Variants in TSPAN18 observed in about 807,000 individuals in gnomAD.
TSPAN18 encodes tetraspanin 18.
TSPAN18 carries 14 observed loss-of-function variants against 27.3 expected under a neutral mutation model. The ratio of observed to expected loss-of-function variants is 0.51; its 90% CI spans 0.34 to 0.80. The LOEUF is 0.80. TSPAN18 is among the 30% of genes least tolerant of loss of function. The pLI, the probability that TSPAN18 is intolerant of heterozygous loss-of-function variation, is 0.01. For synonymous variants in TSPAN18, 143 were observed against 136.5 expected, an observed-to-expected ratio of 1.05 and a Z score of -0.33; for missense variants, 268 against 323.9, an observed-to-expected ratio of 0.83 and a Z score of 1.32.
In TSPAN18 at chr11:44,733,823, A is replaced by C. The variant is rs923820945; in HGVS notation, c.-240+6536A>C. 2.0e-5 allele frequency among the ~76,000 whole-genome samples: 3 copies of C among 152,024 alleles called. No homozygotes were observed. In the East Asian group the frequency reaches 5.8e-4, roughly 29 times the overall value. ...GTGCTGCTACCTGCAGCTCCCATCC[A>C]CCTGTGTACCCCCATGCTGGCCCAT... is the stretch of plus-strand genomic sequence containing the variant. On this transcript the variant is annotated intron_variant, in intron 1 of 9. Coordinates refer to ENST00000520358, the MANE Select transcript of TSPAN18 (RefSeq NM_130783.5).
chr11:44,845,150 C>T (rs1429667623), intron 2 of TSPAN18, among the ~76,000 whole-genome samples: 1 of 152,222 alleles, frequency 6.6e-6, no homozygotes, highest in Non-Finnish European at 1.5e-5. Flanking sequence ...ACTGAAGACT[C>T]ACCCAGAGCA....
chr11:44,913,739 C>T (rs1253613979), intron 5 of TSPAN18, among the ~76,000 whole-genome samples: 2 of 152,220 alleles, frequency 1.3e-5, no homozygotes, highest in East Asian at 1.9e-4. Flanking sequence ...ATAGCAGTTT[C>T]CTCCCCTTTG....
chr11:44,928,741 G>A (rs559348428), intron 9 of TSPAN18, among the ~76,000 whole-genome samples: 12 of 152,192 alleles, frequency 7.9e-5, no homozygotes, highest in East Asian at 5.8e-4. Context: ...AGCTGAGATC[G>A]TGCCACTGCA....
At chr11:44,849,466 G>T (rs910906859) in intron 2 of TSPAN18, among the ~76,000 whole-genome samples, 1 of 152,190 alleles carries the variant, frequency 6.6e-6, no homozygotes, top group Non-Finnish European at 1.5e-5. Context: ...CTCAGACATT[G>T]CCCCCAACAG....
At chr11:44,818,928 G>C (rs553039336) in intron 2 of TSPAN18, among the ~76,000 whole-genome samples, 1 of 152,232 alleles carries the variant, frequency 6.6e-6, no homozygotes, top group Admixed American at 6.5e-5. Context: ...AAATGGCCTA[G>C]GTGATCTCTT....
intron 6 of TSPAN18, among the ~76,000 whole-genome samples, chr11:44,918,543 G>C (rs1044444360): frequency 4.6e-5 from 7 of 151,628 alleles, no homozygotes; most frequent in Admixed American, 4.6e-4. Flanking sequence ...AGACTGGGGC[G>C]GGGGGTTGGA....
chr11:44,826,763 G>C (rs1857051126), intron 2 of TSPAN18, among the ~76,000 whole-genome samples: 1 of 152,232 alleles, frequency 6.6e-6, no homozygotes, highest in Admixed American at 6.5e-5. Context: ...CTTGTGGATA[G>C]ACACACACAG....
chr11:44,913,354 A>T (rs533641985), intron 5 of TSPAN18, among the ~76,000 whole-genome samples: 1 of 152,336 alleles, frequency 6.6e-6, no homozygotes, highest in East Asian at 1.9e-4. Flanking sequence ...CAATTTATCT[A>T]TCTAAAGGTC....
chr11:44,781,527 C>G (rs1855939912), intron 2 of TSPAN18, among the ~76,000 whole-genome samples: 1 of 152,174 alleles, frequency 6.6e-6, no homozygotes, highest in South Asian at 2.1e-4. Flanking sequence ...GGACACAGCA[C>G]ATCCTTGCTG....
chr11:44,780,329 G>A (rs1855909474), intron 2 of TSPAN18, among the ~76,000 whole-genome samples: 1 of 152,230 alleles, frequency 6.6e-6, no homozygotes. Flanking sequence ...CCATTTACCT[G>A]GATGCCAAGC....
intron 2 of TSPAN18, among the ~76,000 whole-genome samples, chr11:44,781,572 G>A (rs748179826): frequency 5.9e-5 from 9 of 152,078 alleles, no homozygotes; most frequent in African/African-American, 2.2e-4. Flanking sequence ...AGCAGCCTGC[G>A]CTGGGCATCT....
chr11:44,908,455 T>C (rs1859537575), intron 4 of TSPAN18, among the ~76,000 whole-genome samples: 1 of 152,072 alleles, frequency 6.6e-6, no homozygotes, highest in Non-Finnish European at 1.5e-5. Flanking sequence ...TGGAATAGGC[T>C]GGGCGCAGTG....
At chr11:44,806,656 G>A (rs936372723) in intron 2 of TSPAN18, among the ~76,000 whole-genome samples, 3 of 152,114 alleles carry the variant, frequency 2.0e-5, no homozygotes, top group African/African-American at 7.2e-5. Flanking sequence ...CCTTTTTTCA[G>A]TTTTACTTGT....
In TSPAN18 at chr11:44,832,782, C is replaced by T. The variant is rs143645147; in HGVS notation, c.-152-27546C>T. 4.6e-3 allele frequency among the ~76,000 whole-genome samples: 704 copies of T among 152,254 alleles called. 8 individuals carry two copies. The highest frequency in any genetic ancestry group is 0.016 in the African/African-American group (672 of 41,544). On this transcript the variant is annotated intron_variant, in intron 2 of 9. Transcript: ENST00000520358. ...GCCTGCAGCCTTCTCCTTGTTCAGA[C>T]GACAGCCTCACCACCCACTGACTTC...
At chr11:44,812,725 T>C (rs529660519) in intron 2 of TSPAN18, among the ~76,000 whole-genome samples, 2 of 152,296 alleles carry the variant, frequency 1.3e-5, no homozygotes, top group South Asian at 4.1e-4. Flanking sequence ...ATAGCTTTAC[T>C]GGGCTCAAAG....
At chr11:44,847,716 C>A (rs1857513267) in intron 2 of TSPAN18, among the ~76,000 whole-genome samples, 1 of 152,166 alleles carries the variant, frequency 6.6e-6, no homozygotes, top group Admixed American at 6.5e-5. Context: ...TCACTTTGAA[C>A]TTCTACACCT....
At chr11:44,880,030 G>T (rs1350224115) in intron 3 of TSPAN18, among the ~76,000 whole-genome samples, 2 of 152,182 alleles carry the variant, frequency 1.3e-5, no homozygotes, top group Non-Finnish European at 1.5e-5. Flanking sequence ...AGGCGACGCT[G>T]GGGGGAGGCT....
At chr11:44,810,007 T>C (rs988452736) in intron 2 of TSPAN18, among the ~76,000 whole-genome samples, 5 of 152,198 alleles carry the variant, frequency 3.3e-5, no homozygotes, top group Non-Finnish European at 7.3e-5. Context: ...TAGGAAGTGA[T>C]GGAGCGAGAG....
chr11:44,908,806 A>AGAAGGAAGGAAGGAAG (rs1564993044), intron 4 of TSPAN18, among the ~76,000 whole-genome samples: 2 of 114,494 alleles, frequency 1.7e-5, no homozygotes, highest in Non-Finnish European at 1.8e-5. Context: ...AAAGAAAGAA[A>AGAAGGAAGGAAGGAAG]GAAAGAAAGA....
Sources: allele counts gnomAD v4.1 joint callset (sites outside exome capture counted in the v4.1 genomes callset), GRCh38; gene constraint gnomAD v4.1.1; transcripts MANE v1.5; gene names NCBI Gene and HGNC (gene_info 2026-07-23, HGNC 2026-07-21).